RSPH14: variants seen among roughly 807,000 people sequenced by gnomAD.
RSPH14 encodes radial spoke head 14 homolog.
A neutral mutation model predicts 26.7 loss-of-function variants in RSPH14; 20 were observed. That is an observed-to-expected ratio of 0.75 (90% CI 0.53 to 1.09). The LOEUF (loss-of-function observed/expected upper bound fraction) is 1.09. Among genes scored for constraint, RSPH14 ranks in the 50% least tolerant of loss-of-function variants. RSPH14 has a pLI of 0.00. For missense variants in RSPH14, 449 were observed against 457.2 expected, an observed-to-expected ratio of 0.98 and a Z score of 0.16; for synonymous variants, 177 against 189.3, an observed-to-expected ratio of 0.93 and a Z score of 0.53.
At chr22:23,115,752 G>C (rs2069813342) in intron 4 of RSPH14, among the ~76,000 whole-genome samples, 1 of 152,236 alleles carries the variant, frequency 6.6e-6, no homozygotes, top group African/African-American at 2.4e-5. Context: ...GAGCCATTTT[G>C]ACTGGGTCTT....
At chr22:23,089,898 G>A (rs1279829007) in intron 4 of RSPH14, among the ~76,000 whole-genome samples, 1 of 152,170 alleles carries the variant, frequency 6.6e-6, no homozygotes, top group Non-Finnish European at 1.5e-5. Flanking sequence ...TGAGGCTGCT[G>A]GGGAGGAGGC....
intron 4 of RSPH14, among the ~76,000 whole-genome samples, chr22:23,092,517 G>A (rs373967876): frequency 9.1e-4 from 139 of 152,302 alleles, no homozygotes; most frequent in African/African-American, 3.2e-3. Flanking sequence ...GGTTGTGACT[G>A]TTCGTCACTG....
chr22:23,175,206 G>A, the RSPH14 span, among the ~76,000 whole-genome samples: 1 of 152,082 alleles, frequency 6.6e-6, no homozygotes, highest in Admixed American at 6.5e-5. Context: ...CACCGTGTTA[G>A]CCAGAATGGT....
chr22:23,162,717 C>T, the RSPH14 span: 1 of 456,286 alleles, frequency 2.2e-6, no homozygotes, highest in Non-Finnish European at 4.4e-6. Context: ...CCGTCTCGTG[C>T]TGTTGCTTCC....
chr22:23,160,804 T>A, the RSPH14 span: 2 of 1,558,228 alleles, frequency 1.3e-6, no homozygotes, highest in East Asian at 4.5e-5. Context: ...TAGGCTAGCC[T>A]GGCTTTCACA....
At chr22:23,112,803 G>A (rs2069691298) in intron 4 of RSPH14, among the ~76,000 whole-genome samples, 1 of 152,134 alleles carries the variant, frequency 6.6e-6, no homozygotes, top group African/African-American at 2.4e-5. Flanking sequence ...ACCCTCAGTG[G>A]GGATAGGGAC....
At chr22:23,118,580 C>T (rs1042330832) in intron 4 of RSPH14, among the ~76,000 whole-genome samples, 18 of 151,100 alleles carry the variant, frequency 1.2e-4, no homozygotes, top group African/African-American at 4.4e-4. Context: ...AGGCTCTCAA[C>T]TGCACCCTGG....
chr22:23,068,474 A>G (rs1341653761), intron 4 of RSPH14, among the ~76,000 whole-genome samples: 1 of 152,232 alleles, frequency 6.6e-6, no homozygotes, highest in Non-Finnish European at 1.5e-5. Flanking sequence ...GGAGGAGGCT[A>G]TCTGTAAGTG....
At chr22:23,137,426 T>C (rs1209571564) in intron 3 of RSPH14, among the ~76,000 whole-genome samples, 2 of 151,484 alleles carry the variant, frequency 1.3e-5, no homozygotes, top group Non-Finnish European at 2.9e-5. Context: ...AGGGCTGCTA[T>C]CCTCATTCCC....
At chr22:23,105,686 T>C (rs1341565955) in intron 4 of RSPH14, among the ~76,000 whole-genome samples, 1 of 152,252 alleles carries the variant, frequency 6.6e-6, no homozygotes, top group Admixed American at 6.5e-5. Context: ...TGGCCAGGCC[T>C]GTGTCTGTGT....
At chr22:23,170,311 C>G in the RSPH14 span, among the ~76,000 whole-genome samples, 1 of 152,138 alleles carries the variant, frequency 6.6e-6, no homozygotes, top group African/African-American at 2.4e-5. Flanking sequence ...CTCACAGTCC[C>G]GGAGGCTGGA....
intron 4 of RSPH14, among the ~76,000 whole-genome samples, chr22:23,078,375 G>T (rs924498938): frequency 6.6e-6 from 1 of 152,214 alleles, no homozygotes; most frequent in Non-Finnish European, 1.5e-5. Flanking sequence ...GCACAGCCAT[G>T]CCCAGCCTTG....
intron 4 of RSPH14, among the ~76,000 whole-genome samples, chr22:23,081,135 G>A (rs1569163529): frequency 6.6e-6 from 1 of 152,200 alleles, no homozygotes; most frequent in Admixed American, 6.5e-5. Flanking sequence ...TAAAAGCCGT[G>A]GTTAGGTTTG....
intron 4 of RSPH14, among the ~76,000 whole-genome samples, chr22:23,129,866 G>A (rs1244945082): frequency 6.6e-6 from 1 of 151,610 alleles, no homozygotes; most frequent in Non-Finnish European, 1.5e-5. Flanking sequence ...TTTGCAGTGA[G>A]CTGAGACCAT....
At chr22:23,131,044 T>C (rs4822357) in intron 4 of RSPH14, 78,225 of 152,318 alleles carry the variant, frequency 0.51, 20,368 homozygotes, top group Middle Eastern at 0.58. Flanking sequence ...CACAGTCCTT[T>C]TGCAGTACAG....
rs1411720931 is a variant in RSPH14 at position 23,064,101 on chromosome 22, A to G, written c.454T>C (p.Ser152Pro). The G allele has an allele frequency of 1.2e-6, 2 of 1,614,052 alleles. No homozygotes were observed. Among genetic ancestry groups the G allele is most frequent in the Non-Finnish European group, 1.7e-6 (2 of 1,180,018 alleles). Residue 152 changes from serine (S) to proline (P), a missense_variant, in exon 5 of 7, where the codon TCC (serine) becomes CCC (proline). Transcript: ENST00000216036. ...AQEIISKGLI[S>P]SLVWKLQVEV... ...ACCTGCAGCTTCCATACCAGTGAGG[A>G]AATCAGACCTTTGCTGATGATCTCT...
In RSPH14 at chr22:23,102,723, C is replaced by G. The variant is rs576004094; in HGVS notation, c.421+31303G>C. On this transcript the variant is annotated intron_variant, in intron 4 of 6. Transcript: ENST00000216036. The stretch of plus-strand genomic sequence containing the variant: ...ACCCCTCCATGATGGTCACCTCCTG[C>G]TGTGTCACTAGAGGCCATTCCCAGG... Among the ~76,000 whole-genome samples the G allele has an allele frequency of 4.6e-5, 7 of 152,368 alleles. No individual in the cohort carries two copies. In the South Asian group the frequency reaches 1.4e-3, roughly 32 times the overall value.
intron 3 of RSPH14, among the ~76,000 whole-genome samples, chr22:23,138,270 T>C (rs1270146470): frequency 6.6e-6 from 1 of 152,086 alleles, no homozygotes; most frequent in Admixed American, 6.5e-5. Flanking sequence ...ACCTTGAAAG[T>C]GGGAAGCTCA....
chr22:23,087,020 G>C (rs1009618308), intron 4 of RSPH14, among the ~76,000 whole-genome samples: 1 of 152,218 alleles, frequency 6.6e-6, no homozygotes, highest in Non-Finnish European at 1.5e-5. Flanking sequence ...AAGGGCAGTG[G>C]AAAGTGCTTC....
Sources: gnomAD v4.1 joint callset for allele counts (sites outside exome capture counted in the v4.1 genomes callset) on GRCh38, gnomAD v4.1.1 for gene constraint, MANE v1.5 for transcripts, NCBI Gene and HGNC (gene_info 2026-07-23, HGNC 2026-07-21) for gene names.